PABPC1L: variants seen among roughly 807,000 people sequenced by gnomAD.
PABPC1L encodes the protein polyadenylate-binding protein 1-like.
PABPC1L carries 31 observed loss-of-function variants against 66.6 expected under a neutral mutation model. That is an observed-to-expected ratio of 0.47 (90% CI 0.35 to 0.63). The LOEUF (loss-of-function observed/expected upper bound fraction) is 0.63, where lower values mean the gene tolerates loss of function less well. Among genes scored for constraint, PABPC1L ranks in the 20% least tolerant of loss-of-function variants. The pLI is 0.00. For synonymous variants in PABPC1L, 348 were observed against 335.1 expected, an observed-to-expected ratio of 1.04 and a Z score of -0.42; for missense variants, 722 against 848.8, an observed-to-expected ratio of 0.85 and a Z score of 1.86.
chr20:44,921,066 G>C (rs571310131), intron 5 of PABPC1L, among the ~76,000 whole-genome samples: 2 of 152,134 alleles, frequency 1.3e-5, no homozygotes, highest in Non-Finnish European at 2.9e-5. Context: ...AACCGCCTTG[G>C]CCTCCCAAAG....
At chr20:44,926,546 C>T (rs547096191) in intron 7 of PABPC1L, among the ~76,000 whole-genome samples, 2 of 148,150 alleles carry the variant, frequency 1.3e-5, no homozygotes, top group African/African-American at 4.9e-5. Context: ...ATATATTATA[C>T]AATTATTTAT....
chr20:44,933,835 C>T (rs2066880679), intron 10 of PABPC1L, among the ~76,000 whole-genome samples: 1 of 148,134 alleles, frequency 6.8e-6, no homozygotes, highest in Non-Finnish European at 1.5e-5. Context: ...ACTGCAACCT[C>T]TGCCTCCGGG....
intron 7 of PABPC1L, 68 bp from the exon 8 acceptor site, chr20:44,930,392 G>A: frequency 1.3e-6 from 2 of 1,552,608 alleles, no homozygotes; most frequent in Non-Finnish European, 1.7e-6. Context: ...ATGGGGAGGA[G>A]GGAGGCAGCG....
intron 9 of PABPC1L, 26 bp downstream of exon 9, chr20:44,932,458 T>C: frequency 6.3e-7 from 1 of 1,587,646 alleles, no homozygotes; most frequent in Non-Finnish European, 8.6e-7. Context: ...CCTTCCACTC[T>C]CAGACTGGCC....
intron 1 of PABPC1L, among the ~76,000 whole-genome samples, chr20:44,911,281 T>C (rs1034546753): frequency 6.6e-6 from 1 of 151,988 alleles, no homozygotes; most frequent in Non-Finnish European, 1.5e-5. Flanking sequence ...CTGGCCAACA[T>C]AGCGAAACCC....
chr20:44,922,652 T>C (rs1483326593), intron 6 of PABPC1L, among the ~76,000 whole-genome samples: 1 of 152,198 alleles, frequency 6.6e-6, no homozygotes, highest in Non-Finnish European at 1.5e-5. Context: ...ATTACAGGCA[T>C]GAGCCACCAC....
chr20:44,910,233 GT>G lies in PABPC1L; in HGVS notation c.92del (p.Phe31SerfsTer16). ...TGACCGAGGCCATGCTCTATGAGAA[GT>G]TCTCTCCCGCCGGCCCCATCCTGTC... is the stretch of plus-strand genomic sequence containing the variant. Reference protein sequence around the residue: ...DVTEAMLYEKFSPAGPILSIR... With the variant: ...DVTEAMLYEKXSPAGPILSIR... On this transcript the variant is annotated frameshift_variant, in exon 1 of 15. Transcript: ENST00000217073. LOFTEE classifies it high-confidence loss of function. 1 of 1,572,568 alleles carries G rather than the reference GT, an allele frequency of 6.4e-7. No homozygotes were observed. The highest frequency in any genetic ancestry group is 8.6e-7 in the Non-Finnish European group (1 of 1,159,208).
Position 44,921,686 on chromosome 20 carries a change from G to A in PABPC1L, c.831G>A (p.Lys277=). Residue 277 remains lysine, a synonymous_variant, in exon 6 of 15, where the codon AAG becomes AAA. Coordinates refer to ENST00000217073, the MANE Select transcript of PABPC1L (RefSeq NM_001372179.1). ...GCGTGGAGCGGCAGAATGAACTGAA[G>A]CGCAGGTTTGAGCAGATGAAGCAGG... ...QKRVERQNEL[K]RRFEQMKQDR... is the part of the protein sequence containing the mutation. 1.2e-6 allele frequency: 2 copies of A among 1,614,032 alleles called. No individual in the cohort carries two copies. The highest frequency in any genetic ancestry group is 1.7e-6 in the Non-Finnish European group (2 of 1,179,978).
intron 11 of PABPC1L, 45 bp from the exon 12 acceptor site, chr20:44,936,592 T>A: frequency 6.8e-7 from 1 of 1,468,344 alleles, no homozygotes; most frequent in Non-Finnish European, 9.2e-7. Context: ...TTTGAGGACA[T>A]GCCTGTCCAT....
At chr20:44,935,824 T>C (rs2066897039) in intron 11 of PABPC1L, among the ~76,000 whole-genome samples, 1 of 152,206 alleles carries the variant, frequency 6.6e-6, no homozygotes, top group Admixed American at 6.5e-5. Flanking sequence ...CAGAAAATAC[T>C]TACTGTAATC....
chr20:44,924,288 G>A (rs570686580), intron 7 of PABPC1L, 32 bp downstream of exon 7: 21 of 1,515,742 alleles, frequency 1.4e-5, no homozygotes, highest in South Asian at 2.2e-5. Context: ...GGGGGACAGC[G>A]TTCCCCTCCA....
Position 44,910,240 on chromosome 20 carries a change from C to G in PABPC1L, c.97C>G (p.Pro33Ala). ...GGCCATGCTCTATGAGAAGTTCTCTCCCGCCGGCCCCATCCTGTCCATCCG... is the reference window on the plus strand; with the variant it reads ...GGCCATGCTCTATGAGAAGTTCTCTGCCGCCGGCCCCATCCTGTCCATCCG... ...TEAMLYEKFS[P>A]AGPILSIRVC... is the part of the protein sequence containing the mutation. Residue 33 changes from proline (P) to alanine (A), a missense_variant, in exon 1 of 15, where the codon CCC becomes GCC. Pro to Ala is a conservative substitution (Grantham distance 27). Around this residue, in one of 3 missense-constraint regions of PABPC1L, gnomAD observed 284 missense variants for 294.8 expected, o/e 0.96. Transcript: ENST00000217073. The G allele has an allele frequency of 6.4e-7, 1 of 1,568,586 alleles. No individual in the cohort carries two copies.
In PABPC1L at chr20:44,935,464, CA is replaced by C; in HGVS notation, c.1536del (p.Lys512AsnfsTer25). 6.2e-7 allele frequency: 1 copy of C among 1,614,210 alleles called. No homozygotes were observed. Among genetic ancestry groups the C allele is most frequent in the Non-Finnish European group, 8.5e-7 (1 of 1,180,040 alleles). On this transcript the variant is annotated frameshift_variant, in exon 11 of 15. Transcript: ENST00000217073. LOFTEE classifies it high-confidence loss of function. Reference protein sequence around the residue: ...CTPGRPLLPCKCSSAAHSTYR... With the variant: ...CTPGRPLLPCXCSSAAHSTYR... ...CACCAGGCCGGCCGCTCCTGCCGTGCAAATGTTCCTCAGCAGCACATAGCAC... is the reference window on the plus strand; with the variant it reads ...CACCAGGCCGGCCGCTCCTGCCGTGCAATGTTCCTCAGCAGCACATAGCAC...
chr20:44,923,974 C>T (rs1436514719), intron 6 of PABPC1L, among the ~76,000 whole-genome samples, 187 bp from the exon 7 acceptor site: 2 of 152,114 alleles, frequency 1.3e-5, no homozygotes, highest in Non-Finnish European at 2.9e-5. Context: ...GATGTGGGGG[C>T]TACAGCTTGC....
chr20:44,931,071 C>CCTT (rs1568650132), intron 8 of PABPC1L, among the ~76,000 whole-genome samples: 4 of 62,596 alleles, frequency 6.4e-5, no homozygotes, highest in African/African-American at 2.2e-4. Flanking sequence ...TTCCCTCCCT[C>CCTT]CCTCCCTCCC....
At position 44,919,050 on chromosome 20, in the gene PABPC1L, G is replaced by A. The variant is rs759574211; in HGVS notation, c.643+5G>A. The A allele has an allele frequency of 2.5e-6, 4 of 1,611,476 alleles. No homozygotes were observed. The highest frequency in any genetic ancestry group is 2.5e-6 in the Non-Finnish European group (3 of 1,178,486). ...AGGACCTCTTCTCCCAGTTTGGTGG[G>A]TGTGTCCCCAAGGGAGCGGGGGGAT... On this transcript the variant is annotated splice_donor_5th_base_variant and intron_variant, in intron 4 of 14. Coordinates refer to ENST00000217073, the MANE Select transcript of PABPC1L (RefSeq NM_001372179.1).
intron 10 of PABPC1L, among the ~76,000 whole-genome samples, chr20:44,934,215 G>C (rs1054503876): frequency 7.2e-5 from 11 of 152,198 alleles, no homozygotes; most frequent in African/African-American, 9.6e-5. Flanking sequence ...GTGTGCTGGG[G>C]CCCCAAGCTC....
At chr20:44,914,904 A>AT (rs1031197136) in intron 2 of PABPC1L, among the ~76,000 whole-genome samples, 1 of 152,170 alleles carries the variant, frequency 6.6e-6, no homozygotes, top group Non-Finnish European at 1.5e-5. Flanking sequence ...ATTTATTCTC[A>AT]TTTTCCCTCT....
chr20:44,912,632 T>C (rs780266578), intron 1 of PABPC1L, 28 bp from the exon 2 acceptor site: 2 of 1,571,670 alleles, frequency 1.3e-6, no homozygotes, highest in East Asian at 4.5e-5. Flanking sequence ...CTAAACTTGC[T>C]AATTTCTCTC....
Sources: allele counts gnomAD v4.1 joint callset (sites outside exome capture counted in the v4.1 genomes callset), GRCh38; gene constraint gnomAD v4.1.1; regional missense constraint gnomAD v4.1.1; transcripts MANE v1.5; gene names NCBI Gene and HGNC (gene_info 2026-07-23, HGNC 2026-07-21).